MMGT1: variants seen among roughly 807,000 people sequenced by gnomAD.
MMGT1 encodes the protein ER membrane protein complex subunit 5.
A neutral mutation model predicts 11.7 loss-of-function variants in MMGT1; 2 were observed. The ratio of observed to expected loss-of-function variants is 0.17; its 90% CI spans 0.07 to 0.54. MMGT1 has a LOEUF of 0.54. MMGT1 is among the 20% of genes least tolerant of loss of function. MMGT1 has a pLI of 0.94. For missense variants in MMGT1, 74 were observed against 109.0 expected (o/e 0.68, Z 1.43); for synonymous variants, 49 against 44.4 (o/e 1.10, Z -0.41).
At chrX:135,967,011 T>C (rs1556612027) in intron 3 of MMGT1, among the ~76,000 whole-genome samples, 1 of 90,713 alleles carries the variant, frequency 1.1e-5, no homozygotes. Flanking sequence ...AGAAAGAGGA[T>C]GGTAGGAAGA....
chrX:135,973,870 A>C lies in MMGT1; in HGVS notation c.-195T>G. The C allele has an allele frequency of 8.6e-7, 1 of 1,157,138 alleles. No homozygotes were observed. Among genetic ancestry groups the C allele is most frequent in the Non-Finnish European group, 1.2e-6 (1 of 868,865 alleles). On this transcript the variant is annotated 5_prime_UTR_variant, in exon 1 of 4. Transcript: ENST00000305963. ...ATGCCGGGAAGAAGCAGAAAGCTAC[A>C]CGGAAAAAGGTCCGCGAGAACCCAC...
Position 135,964,721 on chromosome X carries a change from A to C in MMGT1, c.*303T>G, listed in dbSNP as rs2089175436. 5.4e-6 allele frequency: 1 copy of C among 185,509 alleles called. No individual in the cohort carries two copies. The highest frequency in any genetic ancestry group is 1.0e-4 in the East Asian group (1 of 9,646). 15.3% of individuals were successfully genotyped at this position (185,509 alleles called of 1,213,427 possible). ...AATCTAAAAAAATAAATAATCACAA[A>C]AACCACCAACATTTTTCAAGGAAAT... is the stretch of plus-strand genomic sequence containing the variant. On this transcript the variant is annotated 3_prime_UTR_variant, in exon 4 of 4. Coordinates refer to ENST00000305963, the MANE Select transcript of MMGT1 (RefSeq NM_173470.3).
At chrX:135,970,240 G>A (rs911894174) in intron 2 of MMGT1, among the ~76,000 whole-genome samples, 19 of 109,528 alleles carry the variant, frequency 1.7e-4, no homozygotes, top group Middle Eastern at 4.7e-3. Context: ...GGTGGTGGGC[G>A]CCTATAATCC....
rs782530206 is a variant in MMGT1 at position 135,964,684 on chromosome X, CAAAAG to C, written c.*335_*339del. 3.7e-5 allele frequency: 5 copies of C among 134,627 alleles called. No homozygotes were observed. The Admixed American group carries it at 4.4e-4, about 12-fold the overall frequency. The allele number at this position is 134,627 out of a possible 1,213,427, so 11.1% of individuals were successfully genotyped here. ...CAAAAGGATTCCAAAAATTGTAGTGCAAAAGAAAAGAAATCTAAAAAAATAAATAA... is the reference window on the plus strand; with the variant it reads ...CAAAAGGATTCCAAAAATTGTAGTGCAAAAGAAATCTAAAAAAATAAATAA... On this transcript the variant is annotated 3_prime_UTR_variant, in exon 4 of 4. Transcript: ENST00000305963.
rs782754112 is a variant in MMGT1, at chrX:135,962,995, T to C, written c.*2029A>G. ...CTCAAGATGAGAAGAATTTTCTCAC[T>C]CCATATAGAAAATCATATTTGGGAA... On this transcript the variant is annotated 3_prime_UTR_variant, in exon 4 of 4. Coordinates refer to ENST00000305963, the MANE Select transcript of MMGT1 (RefSeq NM_173470.3). 9.0e-6 allele frequency: 1 copy of C among 111,639 alleles called. No homozygotes were observed. The highest frequency in any genetic ancestry group is 3.7e-4 in the South Asian group (1 of 2,668). 9.2% of individuals were successfully genotyped at this position (111,639 alleles called of 1,213,427 possible).
At chrX:135,970,405 C>T (rs1159627672) in intron 2 of MMGT1, among the ~76,000 whole-genome samples, 4 of 111,740 alleles carry the variant, frequency 3.6e-5, no homozygotes, top group Non-Finnish European at 7.5e-5. Context: ...TTTCATTTTA[C>T]CACCTATGTA....
At position 135,973,787 on chromosome X, in the gene MMGT1, A is replaced by C. The variant is rs902532982; in HGVS notation, c.-112T>G. 5 of 1,161,397 alleles carry C rather than the reference A, an allele frequency of 4.3e-6. No homozygotes were observed. Among genetic ancestry groups the C allele is most frequent in the Non-Finnish European group, 5.7e-6 (5 of 871,383 alleles). On this transcript the variant is annotated 5_prime_UTR_variant, in exon 1 of 4. Coordinates refer to ENST00000305963, the MANE Select transcript of MMGT1 (RefSeq NM_173470.3). ...GAAAGATGACGTCACTGAAGTCCTG[A>C]GCGCAAAGTGTCTCAGTGGTGGAAA...
chrX:135,961,129 C>T lies in MMGT1; in HGVS notation c.*3895G>A, dbSNP rs2089152271. Among the ~76,000 whole-genome samples, 1 of 111,673 alleles carries T rather than the reference C, an allele frequency of 9.0e-6. No individual in the cohort carries two copies. The highest frequency in any genetic ancestry group is 3.3e-5 in the African/African-American group (1 of 30,727). On this transcript the variant is annotated 3_prime_UTR_variant, in exon 4 of 4. Transcript: ENST00000305963. The stretch of plus-strand genomic sequence containing the variant: ...CTAGGTACACTGTAGAATAAAAACT[C>T]ATTATATGTACAAGTATATTCACCA...
At chrX:135,972,849 T>C (rs551980954) in intron 1 of MMGT1, among the ~76,000 whole-genome samples, 2 of 111,916 alleles carry the variant, frequency 1.8e-5, no homozygotes, top group South Asian at 3.7e-4. Flanking sequence ...TCTAGGATAC[T>C]TTCCTTAACC....
At position 135,965,059 on chromosome X, in the gene MMGT1, A is replaced by G. The variant is rs1556611806; in HGVS notation, c.361T>C (p.Leu121=). 5 of 1,207,816 alleles carry G rather than the reference A, an allele frequency of 4.1e-6. No individual in the cohort carries two copies. Among genetic ancestry groups the G allele is most frequent in the South Asian group, 3.5e-5 (2 of 56,546 alleles). The change falls in exon 4 of 4, where the codon TTG becomes CTG. Residue 121 remains leucine (L), a synonymous_variant. Coordinates refer to ENST00000305963, the MANE Select transcript of MMGT1 (RefSeq NM_173470.3). ...AGTGATTCGAGTTTTCGTAACTTCAATGATGTGTTAGAGGACAATGCATCT... is the reference window on the plus strand; with the variant it reads ...AGTGATTCGAGTTTTCGTAACTTCAGTGATGTGTTAGAGGACAATGCATCT... The part of the protein sequence containing the change: ...NQDALSSNTS[L]KLRKLESLRR
intron 3 of MMGT1, among the ~76,000 whole-genome samples, chrX:135,966,553 C>T (rs782070133): frequency 1.8e-5 from 2 of 111,810 alleles, no homozygotes; most frequent in Non-Finnish European, 3.8e-5. Context: ...CAAAATCATG[C>T]CACTGCACTC....
At chrX:135,969,013 G>A (rs1193085461) in intron 2 of MMGT1, among the ~76,000 whole-genome samples, 1 of 111,543 alleles carries the variant, frequency 9.0e-6, no homozygotes, top group Non-Finnish European at 1.9e-5. Flanking sequence ...CAATTTGATT[G>A]AGTAATATCA....
chrX:135,970,996 T>G, intron 2 of MMGT1, 62 bp downstream of exon 2: 1 of 799,004 alleles, frequency 1.3e-6, no homozygotes, highest in East Asian at 3.2e-5. Flanking sequence ...AAAAAAAAAT[T>G]ATTACAAGCT....
In MMGT1 at chrX:135,962,383, T is replaced by A. The variant is rs2089160729; in HGVS notation, c.*2641A>T. 8.9e-6 allele frequency: 1 copy of A among 111,932 alleles called. No homozygotes were observed. Among genetic ancestry groups the A allele is most frequent in the African/African-American group, 3.2e-5 (1 of 30,792 alleles). 9.2% of individuals were successfully genotyped at this position (111,932 alleles called of 1,213,427 possible). A position where few individuals can be genotyped will look rare whatever the true frequency, so the allele number is the denominator to read the frequency against. ...TGGTTATTAAGTGAGTCGTTCCGTA[T>A]TTTAAAGAGCCTTGATTGGTACACA... On this transcript the variant is annotated 3_prime_UTR_variant, in exon 4 of 4. Coordinates refer to ENST00000305963, the MANE Select transcript of MMGT1 (RefSeq NM_173470.3).
In MMGT1 at chrX:135,962,699, T is replaced by C. The variant is rs1013680401; in HGVS notation, c.*2325A>G. 1 of 112,252 alleles carries C rather than the reference T, an allele frequency of 8.9e-6. No individual in the cohort carries two copies. The highest frequency in any genetic ancestry group is 2.8e-4 in the East Asian group (1 of 3,588). 9.3% of individuals were successfully genotyped at this position (112,252 alleles called of 1,213,427 possible). The stretch of plus-strand genomic sequence containing the variant: ...ATAGACACACGTGAAAACCACTTTG[T>C]CAATTATTTGCCAAGTCATTTGGCC... On this transcript the variant is annotated 3_prime_UTR_variant, in exon 4 of 4. Transcript: ENST00000305963.
chrX:135,967,798 AG>A (rs1556612139), intron 2 of MMGT1, among the ~76,000 whole-genome samples: 2 of 111,817 alleles, frequency 1.8e-5, no homozygotes, highest in Non-Finnish European at 3.8e-5. Flanking sequence ...TGCTTCCAAG[AG>A]CAACTAAGAA....
chrX:135,971,173 A>C, intron 1 of MMGT1, 63 bp from the exon 2 acceptor site: 1 of 800,452 alleles, frequency 1.2e-6, no homozygotes, highest in Non-Finnish European at 1.9e-6. Flanking sequence ...AAAATGAAGC[A>C]AATCAATATA....
Position 135,961,181 on chromosome X carries a change from C to T in MMGT1, c.*3843G>A, listed in dbSNP as rs1028704089. Among the ~76,000 whole-genome samples the T allele has an allele frequency of 3.8e-4, 42 of 111,422 alleles. No individual in the cohort carries two copies. The highest frequency in any genetic ancestry group is 1.5e-3 in the South Asian group (4 of 2,682). ...AATGTGATTTAATATTGGAAACAAC[C>T]TAAAGAGCCTATCAGTGTTTGAACA... On this transcript the variant is annotated 3_prime_UTR_variant, in exon 4 of 4. Transcript: ENST00000305963.
At position 135,963,507 on chromosome X, in the gene MMGT1, T is replaced by C. The variant is rs1556611639; in HGVS notation, c.*1517A>G. On this transcript the variant is annotated 3_prime_UTR_variant, in exon 4 of 4. Coordinates refer to ENST00000305963, the MANE Select transcript of MMGT1 (RefSeq NM_173470.3). ...TTCATTTCTAAATTATTTTAGGTTA[T>C]CGGCAGATTTCTAACTTTGTTCTCA... The C allele has an allele frequency of 8.9e-6, 1 of 112,101 alleles. No homozygotes were observed. Among genetic ancestry groups the C allele is most frequent in the African/African-American group, 3.2e-5 (1 of 30,857 alleles). The allele number at this position is 112,101 out of a possible 1,213,427, so 9.2% of individuals were successfully genotyped here.
Sources: gnomAD v4.1 joint callset for allele counts (sites outside exome capture counted in the v4.1 genomes callset) on GRCh38, gnomAD v4.1.1 for gene constraint, MANE v1.5 for transcripts, NCBI Gene and HGNC (gene_info 2026-07-23, HGNC 2026-07-21) for gene names.